The following MEIKIN variants were observed in gnomAD, a reference collection of about 807,000 sequenced individuals.
The protein encoded by MEIKIN is meiotic kinetochore factor.
At chr5:131,902,848 C>T (rs983600125) in intron 8 of MEIKIN, among the ~76,000 whole-genome samples, 6 of 152,040 alleles carry the variant, frequency 3.9e-5, no homozygotes, top group Non-Finnish European at 5.9e-5. Flanking sequence ...TGGATAGGAA[C>T]GAGGATCATC....
Position 131,916,867 on chromosome 5 carries a change from T to A in MEIKIN, c.638+19A>T. On this transcript the variant is annotated intron_variant, in intron 7 of 12. Transcript: ENST00000442687. ...CAGGGTTTCAGAAGCTCAACAATTT[T>A]AAAATTTTTAGTTCTTACGTTTTTC... The A allele has an allele frequency of 5.0e-6, 2 of 397,190 alleles. No homozygotes were observed. Among genetic ancestry groups the A allele is most frequent in the Non-Finnish European group, 8.9e-6 (2 of 224,990 alleles). The allele number at this position is 397,190 out of a possible 1,614,324, so 24.6% of individuals were successfully genotyped here.
At chr5:131,855,773 C>G (rs1024908435) in intron 9 of MEIKIN, among the ~76,000 whole-genome samples, 1 of 151,766 alleles carries the variant, frequency 6.6e-6, no homozygotes, top group Non-Finnish European at 1.5e-5. Flanking sequence ...AGACAGAGAC[C>G]AAGGAAAAGA....
chr5:131,846,485 G>A (rs1750025418), intron 11 of MEIKIN, among the ~76,000 whole-genome samples: 2 of 152,158 alleles, frequency 1.3e-5, no homozygotes, highest in African/African-American at 4.8e-5. Context: ...TAGTATTATT[G>A]TAACATTGGT....
At chr5:131,889,634 A>G (rs578243126) in intron 8 of MEIKIN, among the ~76,000 whole-genome samples, 3 of 152,344 alleles carry the variant, frequency 2.0e-5, no homozygotes, top group African/African-American at 7.2e-5. Context: ...GGTTTTCTAC[A>G]TATACAATCA....
At chr5:131,916,442 G>C (rs1751417018) in intron 7 of MEIKIN, among the ~76,000 whole-genome samples, 1 of 152,200 alleles carries the variant, frequency 6.6e-6, no homozygotes. Flanking sequence ...TTGCTCTCCA[G>C]GCTGGGCCAT....
chr5:131,860,754 CT>C (rs35117395), intron 9 of MEIKIN, among the ~76,000 whole-genome samples: 341 of 50,994 alleles, frequency 6.7e-3, no homozygotes, highest in African/African-American at 0.028. Context: ...GCCTGTTTGG[CT>C]TTTTTTTTTT....
At chr5:131,868,864 T>C (rs1410463641) in intron 9 of MEIKIN, among the ~76,000 whole-genome samples, 2 of 152,264 alleles carry the variant, frequency 1.3e-5, no homozygotes, top group Non-Finnish European at 2.9e-5. Context: ...CTTCTTTGTC[T>C]ATGTTGGTTT....
intron 12 of MEIKIN, among the ~76,000 whole-genome samples, chr5:131,817,098 C>G (rs1773116127): frequency 6.6e-6 from 1 of 152,196 alleles, no homozygotes; most frequent in Admixed American, 6.5e-5. Context: ...TTTACTCTCT[C>G]TTCTGGAGCG....
intron 8 of MEIKIN, among the ~76,000 whole-genome samples, chr5:131,894,152 G>A (rs920328935): frequency 6.6e-6 from 1 of 152,178 alleles, no homozygotes; most frequent in Non-Finnish European, 1.5e-5. Flanking sequence ...TTATTAAATA[G>A]GGAATCCTTT....
At chr5:131,906,651 G>GTTCATCA (rs1751247798) in intron 8 of MEIKIN, among the ~76,000 whole-genome samples, 1 of 152,118 alleles carries the variant, frequency 6.6e-6, no homozygotes, top group Non-Finnish European at 1.5e-5. Context: ...GAAAAAAAAT[G>GTTCATCA]TGGTACATAT....
intron 8 of MEIKIN, among the ~76,000 whole-genome samples, chr5:131,896,769 G>A (rs1751059803): frequency 6.6e-6 from 1 of 152,140 alleles, no homozygotes; most frequent in Non-Finnish European, 1.5e-5. Context: ...TTGAGCCTAT[G>A]TGTTTCTCTG....
intron 11 of MEIKIN, among the ~76,000 whole-genome samples, chr5:131,819,598 CTT>C (rs34041769): frequency 6.2e-4 from 81 of 130,636 alleles, no homozygotes; most frequent in East Asian, 8.6e-4. Flanking sequence ...TAGAAACTTC[CTT>C]TTTTTTTTTT....
At chr5:131,913,037 T>C (rs1316432343) in intron 7 of MEIKIN, among the ~76,000 whole-genome samples, 2 of 152,204 alleles carry the variant, frequency 1.3e-5, no homozygotes, top group African/African-American at 4.8e-5. Context: ...TTATGTGCCA[T>C]TGGTATCTCT....
At chr5:131,921,630 C>G (rs1751507086) in intron 6 of MEIKIN, among the ~76,000 whole-genome samples, 192 bp downstream of exon 6, 1 of 152,210 alleles carries the variant, frequency 6.6e-6, no homozygotes, top group Admixed American at 6.5e-5. Context: ...GCACTCCAGC[C>G]TGGGCAACAT....
At chr5:131,881,957 A>G (rs1051683258) in intron 8 of MEIKIN, among the ~76,000 whole-genome samples, 1 of 152,182 alleles carries the variant, frequency 6.6e-6, no homozygotes, top group Non-Finnish European at 1.5e-5. Flanking sequence ...GATATGTCCA[A>G]AAAAATTATC....
intron 8 of MEIKIN, among the ~76,000 whole-genome samples, chr5:131,892,145 A>G (rs531763454): frequency 1.3e-5 from 2 of 152,282 alleles, no homozygotes; most frequent in African/African-American, 2.4e-5. Flanking sequence ...GGCTGCCCTT[A>G]ACATTTTTTC....
chr5:131,899,576 C>T (rs1751120164), intron 8 of MEIKIN, among the ~76,000 whole-genome samples: 1 of 149,346 alleles, frequency 6.7e-6, no homozygotes, highest in African/African-American at 2.5e-5. Flanking sequence ...ACCCAGTGAT[C>T]TGTTTTCTTC....
chr5:131,854,269 T>C (rs1750160351), intron 10 of MEIKIN, among the ~76,000 whole-genome samples: 2 of 152,202 alleles, frequency 1.3e-5, no homozygotes, highest in Non-Finnish European at 2.9e-5. Context: ...TCCACTTATA[T>C]GAGGTACCTA....
At chr5:131,935,058 C>CA (rs1391489029) in intron 4 of MEIKIN, among the ~76,000 whole-genome samples, 2 of 130,834 alleles carry the variant, frequency 1.5e-5, no homozygotes, top group Non-Finnish European at 1.6e-5. Context: ...AGACTCCATC[C>CA]AAAAAAAAAG....
Sources: gnomAD v4.1 joint callset for allele counts (sites outside exome capture counted in the v4.1 genomes callset) on GRCh38, gnomAD v4.1.1 for gene constraint, MANE v1.5 for transcripts, NCBI Gene and HGNC (gene_info 2026-07-23, HGNC 2026-07-21) for gene names.